Variants in DYTN observed in about 807,000 individuals in gnomAD.
The protein encoded by DYTN is dystrotelin.
A neutral mutation model predicts 69.6 loss-of-function variants in DYTN; 75 were observed. The observed-to-expected ratio is 1.08, with a 90% CI of 0.89 to 1.31. The LOEUF (loss-of-function observed/expected upper bound fraction) is 1.31, where lower values mean the gene tolerates loss of function less well. DYTN is among the 50% of genes most tolerant of loss of function. DYTN has a pLI of 0.00. For missense variants in DYTN, 726 were observed against 688.4 expected, an observed-to-expected ratio of 1.05 and a Z score of -0.61; for synonymous variants, 252 against 249.1, an observed-to-expected ratio of 1.01 and a Z score of -0.11.
At chr2:206,685,013 A>C (rs1431318067) in intron 9 of DYTN, among the ~76,000 whole-genome samples, 1 of 152,240 alleles carries the variant, frequency 6.6e-6, no homozygotes, top group African/African-American at 2.4e-5. Flanking sequence ...GGAGCATTAC[A>C]GATCACCAAA....
intron 11 of DYTN, among the ~76,000 whole-genome samples, chr2:206,659,788 T>C (rs1699488577): frequency 6.6e-6 from 1 of 152,104 alleles, no homozygotes; most frequent in African/African-American, 2.4e-5. Context: ...TGAATAACGA[T>C]ATAAACATAA....
Position 206,694,660 on chromosome 2 carries a change from T to C in DYTN, c.831+106A>G. On this transcript the variant is annotated intron_variant, in intron 8 of 11. Transcript: ENST00000452335. The stretch of plus-strand genomic sequence containing the variant: ...GCTTAGTCTTAAATATTGCAATGTA[T>C]GACAGGAGCAGAATCTGTGGTTTCA... 4.8e-6 allele frequency: 4 copies of C among 834,010 alleles called. No homozygotes were observed. The South Asian group carries it at 6.9e-5, about 14-fold the overall frequency. 51.7% of individuals were successfully genotyped at this position (834,010 alleles called of 1,614,324 possible).
At chr2:206,675,384 A>C (rs1036299322) in intron 9 of DYTN, among the ~76,000 whole-genome samples, 2 of 150,534 alleles carry the variant, frequency 1.3e-5, no homozygotes, top group African/African-American at 4.9e-5. Context: ...CAAGATGTTC[A>C]AAATAAACCA....
intron 9 of DYTN, among the ~76,000 whole-genome samples, chr2:206,682,793 C>T (rs946012899): frequency 1.3e-5 from 2 of 152,088 alleles, no homozygotes; most frequent in Non-Finnish European, 2.9e-5. Flanking sequence ...CTGATTTCCT[C>T]CACAAACCTT....
chr2:206,668,009 C>T (rs1374416911), intron 9 of DYTN, among the ~76,000 whole-genome samples: 1 of 152,156 alleles, frequency 6.6e-6, no homozygotes, highest in Non-Finnish European at 1.5e-5. Context: ...CAGACAGTCA[C>T]ACACAGGTGA....
At chr2:206,704,024 A>G (rs1266947234) in intron 5 of DYTN, among the ~76,000 whole-genome samples, 3 of 152,258 alleles carry the variant, frequency 2.0e-5, no homozygotes, top group Non-Finnish European at 4.4e-5. Flanking sequence ...TAGTAAGAAT[A>G]AAAACCAAAT....
At chr2:206,671,896 A>G (rs1283984969) in intron 9 of DYTN, among the ~76,000 whole-genome samples, 2 of 152,250 alleles carry the variant, frequency 1.3e-5, no homozygotes, top group East Asian at 3.8e-4. Context: ...GCTGTTTCCA[A>G]TATTTCAAAA....
In DYTN at chr2:206,690,593, A is replaced by G. The variant is rs561106086; in HGVS notation, c.980+2582T>C. Among the ~76,000 whole-genome samples, 3 of 152,316 alleles carry G rather than the reference A, an allele frequency of 2.0e-5. No individual in the cohort carries two copies. In the East Asian group the frequency reaches 5.8e-4, roughly 29 times the overall value. ...CGCTGAGGTGGTGGCAGTAGAAATAATGAGACTCACTCGGAGTTCAAATCT... is the reference window on the plus strand; with the variant it reads ...CGCTGAGGTGGTGGCAGTAGAAATAGTGAGACTCACTCGGAGTTCAAATCT... On this transcript the variant is annotated intron_variant, in intron 9 of 11. Transcript: ENST00000452335.
chr2:206,667,326 T>A (rs1300008024), intron 9 of DYTN, among the ~76,000 whole-genome samples: 1 of 152,190 alleles, frequency 6.6e-6, no homozygotes, highest in Admixed American at 6.5e-5. Context: ...TAGAGTCTGC[T>A]CTTCTGCTCC....
At chr2:206,682,767 G>T (rs887413923) in intron 9 of DYTN, among the ~76,000 whole-genome samples, 29 of 151,920 alleles carry the variant, frequency 1.9e-4, no homozygotes, top group African/African-American at 6.8e-4. Flanking sequence ...ATTTTAATGT[G>T]TCCCAAACTA....
chr2:206,705,322 T>A (rs1290088385), intron 4 of DYTN, among the ~76,000 whole-genome samples: 1 of 152,192 alleles, frequency 6.6e-6, no homozygotes, highest in Non-Finnish European at 1.5e-5. Flanking sequence ...GGTCTCGAAC[T>A]CCCAACCTCA....
chr2:206,702,523 A>G lies in DYTN; in HGVS notation c.484-2307T>C, dbSNP rs891850499. ...TGATAATAATCCTGTTGCCAGTCGA[A>G]TGTAAGTAACTACTCCCTATGTTAT... On this transcript the variant is annotated intron_variant, in intron 5 of 11. Coordinates refer to ENST00000452335, the MANE Select transcript of DYTN (RefSeq NM_001093730.1). Among the ~76,000 whole-genome samples the G allele has an allele frequency of 2.0e-5, 3 of 152,372 alleles. No individual in the cohort carries two copies. In the East Asian group the frequency reaches 5.8e-4, roughly 29 times the overall value.
intron 11 of DYTN, among the ~76,000 whole-genome samples, chr2:206,657,786 T>C (rs9973549): frequency 0.079 from 12,021 of 152,232 alleles, 553 homozygotes; most frequent in Admixed American, 0.14. Context: ...GCTTTCAAAA[T>C]TCTCTTTTGT....
intron 11 of DYTN, among the ~76,000 whole-genome samples, chr2:206,657,210 C>G (rs1456327688): frequency 3.3e-5 from 5 of 152,146 alleles, no homozygotes; most frequent in African/African-American, 9.7e-5. Flanking sequence ...AACACCAAGG[C>G]TCAAGTGACC....
intron 11 of DYTN, among the ~76,000 whole-genome samples, chr2:206,655,084 C>A (rs1384967862): frequency 1.3e-5 from 2 of 152,050 alleles, no homozygotes; most frequent in Non-Finnish European, 2.9e-5. Context: ...AGCTTTTCAC[C>A]TTTAAGAAAA....
At chr2:206,674,589 A>G (rs1298527051) in intron 9 of DYTN, among the ~76,000 whole-genome samples, 1 of 152,164 alleles carries the variant, frequency 6.6e-6, no homozygotes. Context: ...ATGTAGCCAT[A>G]AAAACTCAAA....
intron 9 of DYTN, among the ~76,000 whole-genome samples, chr2:206,692,764 A>C (rs939528028): frequency 6.6e-6 from 1 of 150,948 alleles, no homozygotes; most frequent in Non-Finnish European, 1.5e-5. Context: ...TGTGAACAGC[A>C]CTCATCTGTG....
chr2:206,692,265 TAAA>T (rs11379805), intron 9 of DYTN, among the ~76,000 whole-genome samples: 7 of 128,264 alleles, frequency 5.5e-5, no homozygotes, highest in East Asian at 2.2e-4. Context: ...ATCTTGTCTC[TAAA>T]AAAAAAAAAA....
At chr2:206,657,787 T>G (rs1263007059) in intron 11 of DYTN, among the ~76,000 whole-genome samples, 1 of 152,178 alleles carries the variant, frequency 6.6e-6, no homozygotes, top group East Asian at 1.9e-4. Flanking sequence ...CTTTCAAAAT[T>G]CTCTTTTGTG....
Sources: gnomAD v4.1 joint callset for allele counts (sites outside exome capture counted in the v4.1 genomes callset) on GRCh38, gnomAD v4.1.1 for gene constraint, MANE v1.5 for transcripts, NCBI Gene and HGNC (gene_info 2026-07-23, HGNC 2026-07-21) for gene names.